Variants in PRKCA observed in about 807,000 individuals in gnomAD.
PRKCA encodes the protein protein kinase C alpha.
Under a neutral mutation model 87.0 loss-of-function variants are expected in PRKCA, and 27 were observed. That is an observed-to-expected ratio of 0.31 (90% CI 0.23 to 0.43). PRKCA has a LOEUF of 0.43. Among genes scored for constraint, PRKCA ranks in the 20% least tolerant of loss-of-function variants. The pLI is 1.00. For synonymous variants in PRKCA, 329 were observed against 311.1 expected (o/e 1.06, Z -0.61); for missense variants, 518 against 852.3 (o/e 0.61, Z 4.88).
chr17:66,800,468 T>C (rs1436345772), intron 16 of PRKCA, among the ~76,000 whole-genome samples: 1 of 152,188 alleles, frequency 6.6e-6, no homozygotes, highest in Non-Finnish European at 1.5e-5. Context: ...GTGGGCACCC[T>C]CAGGAGTGAC....
intron 3 of PRKCA, among the ~76,000 whole-genome samples, chr17:66,622,541 T>C (rs1029970016): frequency 6.6e-6 from 1 of 152,228 alleles, no homozygotes; most frequent in Non-Finnish European, 1.5e-5. Flanking sequence ...TTCATTTTAA[T>C]GTGGAAAACT....
chr17:66,647,912 C>A (rs1873187829), intron 5 of PRKCA, among the ~76,000 whole-genome samples: 1 of 151,484 alleles, frequency 6.6e-6, no homozygotes, highest in Admixed American at 6.6e-5. Flanking sequence ...AATGTGAATT[C>A]AGCAAGTTTA....
chr17:66,335,561 A>G (rs1014006211), intron 2 of PRKCA, among the ~76,000 whole-genome samples: 1 of 151,978 alleles, frequency 6.6e-6, no homozygotes, highest in African/African-American at 2.4e-5. Flanking sequence ...CAGCCTGGGC[A>G]ACAAGAGTGA....
chr17:66,354,792 A>G (rs938329968), intron 2 of PRKCA, among the ~76,000 whole-genome samples: 6 of 152,206 alleles, frequency 3.9e-5, no homozygotes, highest in African/African-American at 1.4e-4. Flanking sequence ...GCACATAAAT[A>G]AAGTACTTTT....
chr17:66,742,284 C>T (rs1254080778), intron 12 of PRKCA, among the ~76,000 whole-genome samples: 1 of 152,110 alleles, frequency 6.6e-6, no homozygotes, highest in Admixed American at 6.6e-5. Flanking sequence ...TGTGTCAGAC[C>T]CCCTGTGTGG....
intron 3 of PRKCA, among the ~76,000 whole-genome samples, chr17:66,553,760 A>AT (rs1968413320): frequency 6.6e-6 from 1 of 152,032 alleles, no homozygotes; most frequent in African/African-American, 2.4e-5. Context: ...GGATCCTTTC[A>AT]TTTTTCAGGT....
At chr17:66,737,758 T>C (rs1316672522) in intron 10 of PRKCA, among the ~76,000 whole-genome samples, 2 of 152,184 alleles carry the variant, frequency 1.3e-5, no homozygotes, top group Non-Finnish European at 2.9e-5. Flanking sequence ...CAGGGAGAGA[T>C]GAGAGCAGCA....
At chr17:66,482,098 CA>C (rs58719328) in intron 2 of PRKCA, among the ~76,000 whole-genome samples, 23,601 of 88,552 alleles carry the variant, frequency 0.27, 1,218 homozygotes, top group Middle Eastern at 0.37. Flanking sequence ...AAGACTGTCT[CA>C]AAAAAAAAAA....
chr17:66,472,772 C>T (rs538721986), intron 2 of PRKCA, among the ~76,000 whole-genome samples: 1 of 152,236 alleles, frequency 6.6e-6, no homozygotes, highest in East Asian at 1.9e-4. Context: ...TATAAAGTAG[C>T]AGGAGAATCT....
chr17:66,736,846 C>T (rs1332807575), intron 10 of PRKCA, among the ~76,000 whole-genome samples: 2 of 152,184 alleles, frequency 1.3e-5, no homozygotes, highest in African/African-American at 2.4e-5. Flanking sequence ...CACACTCCTT[C>T]GTGTACCTGT....
chr17:66,323,637 T>C (rs527497613), intron 2 of PRKCA, among the ~76,000 whole-genome samples: 146 of 152,014 alleles, frequency 9.6e-4, no homozygotes, highest in African/African-American at 3.4e-3. Context: ...TCTGCTGGAG[T>C]GGTAGAAAGA....
intron 3 of PRKCA, among the ~76,000 whole-genome samples, chr17:66,606,852 A>C (rs1020569739): frequency 6.6e-6 from 1 of 152,158 alleles, no homozygotes; most frequent in Non-Finnish European, 1.5e-5. Context: ...ATTATGACTC[A>C]TTTATGTGGT....
chr17:66,741,981 C>T (rs1200742066), intron 12 of PRKCA, among the ~76,000 whole-genome samples: 2 of 152,198 alleles, frequency 1.3e-5, no homozygotes, highest in Non-Finnish European at 2.9e-5. Context: ...ACAGCTCCTT[C>T]CACTGCCTTT....
intron 2 of PRKCA, among the ~76,000 whole-genome samples, chr17:66,490,585 G>GT (rs200222990): frequency 0.026 from 3,902 of 150,606 alleles, 76 homozygotes; most frequent in Middle Eastern, 0.041. Context: ...TTTTCTTTTT[G>GT]TTTTTTTTGA....
intron 2 of PRKCA, among the ~76,000 whole-genome samples, chr17:66,466,399 C>T (rs1359872917): frequency 2.0e-5 from 3 of 152,166 alleles, no homozygotes; most frequent in African/African-American, 7.2e-5. Flanking sequence ...CTGCACTGCT[C>T]ACAAGCCACG....
intron 13 of PRKCA, 128 bp from the exon 14 acceptor site, chr17:66,773,859 C>A: frequency 6.8e-7 from 1 of 1,465,740 alleles, no homozygotes; most frequent in Non-Finnish European, 9.3e-7. Context: ...GGCGTAACAT[C>A]AAAGACAGAT....
chr17:66,311,493 C>T (rs12944131), intron 2 of PRKCA, among the ~76,000 whole-genome samples: 2 of 151,968 alleles, frequency 1.3e-5, no homozygotes, highest in South Asian at 2.1e-4. Flanking sequence ...GTGCAGCACC[C>T]GTGGTCTCAG....
intron 2 of PRKCA, among the ~76,000 whole-genome samples, chr17:66,468,283 G>A (rs1915174861): frequency 6.6e-6 from 1 of 152,174 alleles, no homozygotes; most frequent in Non-Finnish European, 1.5e-5. Context: ...GAACTTGTCT[G>A]AATCAAGATG....
intron 3 of PRKCA, among the ~76,000 whole-genome samples, chr17:66,577,227 C>T (rs1969266793): frequency 6.6e-6 from 1 of 152,096 alleles, no homozygotes; most frequent in African/African-American, 2.4e-5. Context: ...AATAACTAGG[C>T]TTGTGGGCTA....
Sources: gnomAD v4.1 joint callset for allele counts (sites outside exome capture counted in the v4.1 genomes callset) on GRCh38, gnomAD v4.1.1 for gene constraint, MANE v1.5 for transcripts, NCBI Gene and HGNC (gene_info 2026-07-23, HGNC 2026-07-21) for gene names.